The following NAA40 variants were observed in gnomAD, a reference collection of about 807,000 sequenced individuals.
NAA40 encodes the protein N-alpha-acetyltransferase 40.
In NAA40, 26 loss-of-function variants were observed where a neutral mutation model predicts 36.6. The ratio of observed to expected loss-of-function variants is 0.71; its 90% confidence interval spans 0.52 to 0.98. The LOEUF (loss-of-function observed/expected upper bound fraction) is 0.98, where lower values mean the gene tolerates loss of function less well. NAA40 is among the 50% of genes least tolerant of loss of function. The pLI is 0.00. For synonymous variants in NAA40, 129 were observed against 108.4 expected, an observed-to-expected ratio of 1.19 and a Z score of -1.18; for missense variants, 237 against 306.5, an observed-to-expected ratio of 0.77 and a Z score of 1.69.
At chr11:63,953,264 C>T (rs181981227) in intron 6 of NAA40, among the ~76,000 whole-genome samples, 4 of 152,044 alleles carry the variant, frequency 2.6e-5, no homozygotes, top group East Asian at 3.9e-4. Flanking sequence ...AGGCTGGTCT[C>T]GAACTCCTGA....
intron 1 of NAA40, 130 bp downstream of exon 1, chr11:63,939,232 A>C (rs2134262490): frequency 2.7e-5 from 29 of 1,068,376 alleles, no homozygotes; most frequent in East Asian, 1.1e-4. Context: ...TGACCCCCAC[A>C]TGACCCGACT....
intron 3 of NAA40, among the ~76,000 whole-genome samples, chr11:63,948,386 G>C (rs946170755): frequency 1.3e-5 from 2 of 152,094 alleles, no homozygotes; most frequent in East Asian, 3.9e-4. Flanking sequence ...GCCAATTCCT[G>C]GCTATTTGGC....
At chr11:63,948,116 A>T (rs1224240792) in intron 3 of NAA40, among the ~76,000 whole-genome samples, 3 of 152,124 alleles carry the variant, frequency 2.0e-5, no homozygotes, top group Non-Finnish European at 4.4e-5. Flanking sequence ...CAGCCACCCA[A>T]AGTGCTGGGA....
intron 1 of NAA40, among the ~76,000 whole-genome samples, chr11:63,942,040 T>C (rs1942116965): frequency 6.6e-6 from 1 of 152,222 alleles, no homozygotes; most frequent in African/African-American, 2.4e-5. Flanking sequence ...AGCATGACTT[T>C]AGGGTTCAAA....
rs1180630449 is a variant in NAA40 at position 63,957,193 on chromosome 11, TATA to T, written c.*2715_*2717del. On this transcript the variant is annotated 3_prime_UTR_variant, in exon 8 of 8. Transcript: ENST00000377793. ...GAAATTTGGAAGATAAACTCCTTGA[TATA>T]TATATATATATATATATTTTTTTTT... 1 of 75,122 alleles carries T rather than the reference TATA, an allele frequency of 1.3e-5. No homozygotes were observed. The highest frequency in any genetic ancestry group is 3.1e-5 in the Non-Finnish European group (1 of 32,200). The allele number at this position is 75,122 out of a possible 1,614,324, so 4.7% of individuals were successfully genotyped here.
chr11:63,946,730 G>A (rs1942192522), intron 2 of NAA40: 1 of 1,524,094 alleles, frequency 6.6e-7, no homozygotes, highest in Non-Finnish European at 8.8e-7. Context: ...GTCAGGTGAT[G>A]CCAAACTTAA....
intron 2 of NAA40, chr11:63,946,526 A>T: frequency 1.7e-6 from 2 of 1,145,554 alleles, no homozygotes; most frequent in Non-Finnish European, 2.2e-6. Flanking sequence ...TTAGTATCCC[A>T]TTTTTTGGTC....
At chr11:63,950,434 C>T (rs761417300) in intron 3 of NAA40, among the ~76,000 whole-genome samples, 1 of 149,956 alleles carries the variant, frequency 6.7e-6, no homozygotes, top group Non-Finnish European at 1.5e-5. Flanking sequence ...AGTCTTTTGA[C>T]ATACTTTAGA....
At chr11:63,945,451 C>A (rs1425773974) in intron 1 of NAA40, among the ~76,000 whole-genome samples, 1 of 152,204 alleles carries the variant, frequency 6.6e-6, no homozygotes, top group Non-Finnish European at 1.5e-5. Context: ...GATGCTGTCT[C>A]CTCCCTGAAG....
Position 63,947,300 on chromosome 11 carries a change from G to A in NAA40, c.155+297G>A, listed in dbSNP as rs113227051. Among the ~76,000 whole-genome samples, 797 of 152,080 alleles carry A rather than the reference G, an allele frequency of 5.2e-3. 3 individuals are homozygous for A. The highest frequency in any genetic ancestry group is 0.018 in the African/African-American group (755 of 41,488). On this transcript the variant is annotated intron_variant, in intron 3 of 7. Coordinates refer to ENST00000377793, the MANE Select transcript of NAA40 (RefSeq NM_024771.4). The stretch of plus-strand genomic sequence containing the variant: ...CGATCGCCTGTAATCCCAGCTACTC[G>A]GGAGGCTGAGGCAGGAGAATCACTT...
At position 63,946,948 on chromosome 11, in the gene NAA40, C is replaced by T; in HGVS notation, c.103-3C>T. ...GCTGTTCCTCTTTTCTTTCCCTCCA[C>T]AGCTTGGAGACCCTCTGGAGGCTTT... On this transcript the variant is annotated splice_region_variant and splice_polypyrimidine_tract_variant and intron_variant, in intron 2 of 7. Transcript: ENST00000377793. The T allele has an allele frequency of 3.1e-6, 5 of 1,614,068 alleles. No individual in the cohort carries two copies. Among genetic ancestry groups the T allele is most frequent in the Non-Finnish European group, 4.2e-6 (5 of 1,179,930 alleles).
chr11:63,954,350 T>G lies in NAA40; in HGVS notation c.585T>G (p.Asp195Glu). 2 of 1,592,210 alleles carry G rather than the reference T, an allele frequency of 1.3e-6. No homozygotes were observed. Among genetic ancestry groups the G allele is most frequent in the Non-Finnish European group, 1.7e-6 (2 of 1,170,464 alleles). ...FFREALQFEIDDSSPSMSGCC... is the reference protein window; with the variant it reads ...FFREALQFEIEDSSPSMSGCC... ...GCCTGCCTTGCAGATTTGAAATTGA[T>G]GACTCTTCCCCCAGCATGTCCGGTT... Residue 195 changes from aspartate (D) to glutamate (E), a missense_variant, in exon 8 of 8, where the codon GAT becomes GAG. By Grantham distance (45) the Asp-to-Glu change is conservative. Transcript: ENST00000377793.
At chr11:63,953,938 C>T (rs755106789) in intron 6 of NAA40, 34 bp from the exon 7 acceptor site, 15 of 1,599,336 alleles carry the variant, frequency 9.4e-6, no homozygotes, top group African/African-American at 1.3e-5. Context: ...CCATGTTTCT[C>T]TTTCTAAAAG....
intron 1 of NAA40, 113 bp downstream of exon 1, chr11:63,939,215 T>G: frequency 1.0e-6 from 1 of 1,002,302 alleles, no homozygotes; most frequent in Non-Finnish European, 1.2e-6. Context: ...CAGCCTCACG[T>G]GACCCCTGAC....
chr11:63,948,912 G>A (rs896544947), intron 3 of NAA40, among the ~76,000 whole-genome samples: 29 of 152,124 alleles, frequency 1.9e-4, no homozygotes, highest in African/African-American at 6.8e-4. Context: ...AGGTGTGGTG[G>A]CTCATACCTG....
intron 2 of NAA40, chr11:63,946,623 A>G: frequency 7.6e-7 from 1 of 1,312,558 alleles, no homozygotes; most frequent in Non-Finnish European, 9.8e-7. Context: ...TAACCAGGTA[A>G]AGTCAGTGTG....
chr11:63,947,776 G>C (rs915193455), intron 3 of NAA40, among the ~76,000 whole-genome samples: 7 of 140,262 alleles, frequency 5.0e-5, no homozygotes, highest in Admixed American at 1.6e-4. Context: ...GTTCAGGCTG[G>C]AGTGCAGTGG....
intron 3 of NAA40, among the ~76,000 whole-genome samples, chr11:63,947,679 T>C (rs1942210044): frequency 6.7e-6 from 1 of 149,040 alleles, no homozygotes; most frequent in Non-Finnish European, 1.5e-5. Context: ...GCCTCCCAAG[T>C]ACCTGGGATT....
chr11:63,944,207 A>T (rs959465487), intron 1 of NAA40, among the ~76,000 whole-genome samples: 1 of 152,322 alleles, frequency 6.6e-6, no homozygotes, highest in South Asian at 2.1e-4. Context: ...CTTCCCCAGC[A>T]TCTGGTTTTT....
Sources: gnomAD v4.1 joint callset for allele counts (sites outside exome capture counted in the v4.1 genomes callset) on GRCh38, gnomAD v4.1.1 for gene constraint, MANE v1.5 for transcripts, NCBI Gene and HGNC (gene_info 2026-07-23, HGNC 2026-07-21) for gene names.